Variants in ARHGAP22 observed in about 807,000 individuals in gnomAD.
ARHGAP22 encodes Rho GTPase activating protein 22.
In ARHGAP22, 48 loss-of-function variants were observed where a neutral mutation model predicts 59.1. That is an observed-to-expected ratio of 0.81 (90% CI 0.64 to 1.03). The LOEUF (loss-of-function observed/expected upper bound fraction) is 1.03, where lower values mean the gene tolerates loss of function less well. Ranked by LOEUF, ARHGAP22 falls within the 50% of genes least tolerant of loss-of-function variation. ARHGAP22 has a pLI of 0.00. For synonymous variants in ARHGAP22, 445 were observed against 416.4 expected (o/e 1.07, Z -0.84); for missense variants, 1,015 against 958.7 (o/e 1.06, Z -0.78).
At chr10:48,465,205 G>T (rs1378045509) in intron 4 of ARHGAP22, among the ~76,000 whole-genome samples, 1 of 152,212 alleles carries the variant, frequency 6.6e-6, no homozygotes, top group Admixed American at 6.5e-5. Context: ...TGGGTTCCTC[G>T]AGGTCCCAGC....
chr10:48,590,695 G>A (rs765395111), intron 1 of ARHGAP22, among the ~76,000 whole-genome samples: 4 of 152,230 alleles, frequency 2.6e-5, no homozygotes, highest in African/African-American at 7.2e-5. Flanking sequence ...GAGGGAGGAC[G>A]TGGGCTGCAC....
chr10:48,650,195 C>A (rs1589331586), intron 1 of ARHGAP22, among the ~76,000 whole-genome samples: 2 of 125,656 alleles, frequency 1.6e-5, no homozygotes, highest in Admixed American at 9.7e-5. Flanking sequence ...AATGGCATTG[C>A]CAGTCCATTT....
At chr10:48,480,823 G>A (rs1283030233) in intron 3 of ARHGAP22, among the ~76,000 whole-genome samples, 1 of 152,256 alleles carries the variant, frequency 6.6e-6, no homozygotes, top group Non-Finnish European at 1.5e-5. Flanking sequence ...CACAGCGAAT[G>A]AGTGGCACAG....
intron 3 of ARHGAP22, among the ~76,000 whole-genome samples, chr10:48,502,390 T>C (rs1400446445): frequency 6.6e-6 from 1 of 152,228 alleles, no homozygotes; most frequent in East Asian, 1.9e-4. Flanking sequence ...GTCTCTGCAG[T>C]GCAGTCAGAA....
In ARHGAP22 at chr10:48,450,774, G is replaced by A. The variant is rs1415505505; in HGVS notation, c.1355C>T (p.Pro452Leu). Residue 452 changes from proline to leucine, a missense_variant, in exon 9 of 10, where the codon CCC (proline) becomes CTC (leucine). By Grantham distance (98) the Pro-to-Leu change is moderately conservative. Transcript: ENST00000249601. ...CCAGTTCCCGCCGGAGGAGATGATG[G>A]GCACCTCCAGGGATGAGCCGCCCCC... ...PKGGGSSLEV[P>L]IISSGGNWLM... 1 of 1,565,174 alleles carries A rather than the reference G, an allele frequency of 6.4e-7. No homozygotes were observed. The highest frequency in any genetic ancestry group is 1.9e-5 in the Admixed American group (1 of 53,982).
intron 1 of ARHGAP22, among the ~76,000 whole-genome samples, chr10:48,620,973 C>T (rs2061265821): frequency 6.6e-6 from 1 of 152,246 alleles, no homozygotes; most frequent in South Asian, 2.1e-4. Context: ...ACTGTCACTT[C>T]ACAAAAGTGG....
intron 3 of ARHGAP22, among the ~76,000 whole-genome samples, chr10:48,504,047 A>T (rs917074302): frequency 6.6e-6 from 1 of 152,166 alleles, no homozygotes; most frequent in African/African-American, 2.4e-5. Flanking sequence ...GAAGTGCGGG[A>T]TGGGGAAGGA....
chr10:48,521,886 G>C (rs1262391025), intron 3 of ARHGAP22, among the ~76,000 whole-genome samples: 1 of 152,254 alleles, frequency 6.6e-6, no homozygotes. Context: ...CTGTGCCAGT[G>C]TGGCAAAGGC....
chr10:48,555,642 C>A, intron 2 of ARHGAP22, 92 bp from the exon 3 acceptor site: 1 of 1,272,988 alleles, frequency 7.9e-7, no homozygotes, highest in Non-Finnish European at 1.1e-6. Context: ...AGGTTAGGAC[C>A]TGGGGCCCTC....
intron 8 of ARHGAP22, among the ~76,000 whole-genome samples, chr10:48,453,080 C>T (rs2046140970): frequency 6.6e-6 from 1 of 152,200 alleles, no homozygotes; most frequent in Admixed American, 6.5e-5. Context: ...TGCTGCCCAT[C>T]GCAGGGCAAA....
At chr10:48,649,028 G>C (rs917272884) in intron 1 of ARHGAP22, among the ~76,000 whole-genome samples, 2 of 152,180 alleles carry the variant, frequency 1.3e-5, no homozygotes, top group African/African-American at 4.8e-5. Flanking sequence ...CAAAGATCCA[G>C]GTGAGAGCCG....
chr10:48,586,388 C>A (rs563165695), intron 1 of ARHGAP22, among the ~76,000 whole-genome samples: 7 of 152,256 alleles, frequency 4.6e-5, no homozygotes, highest in African/African-American at 1.7e-4. Flanking sequence ...AGCATAACTG[C>A]AGAGTGCTTA....
At chr10:48,632,930 A>G (rs928703168) in intron 1 of ARHGAP22, among the ~76,000 whole-genome samples, 1 of 152,228 alleles carries the variant, frequency 6.6e-6, no homozygotes, top group Non-Finnish European at 1.5e-5. Flanking sequence ...TTTCATCACT[A>G]CTGCACAACG....
chr10:48,496,287 A>T (rs1374797793), intron 3 of ARHGAP22, among the ~76,000 whole-genome samples: 1 of 152,152 alleles, frequency 6.6e-6, no homozygotes. Flanking sequence ...ATGAGGATAT[A>T]CAATCCTCAC....
At chr10:48,521,378 C>T (rs1000056463) in intron 3 of ARHGAP22, among the ~76,000 whole-genome samples, 4 of 152,192 alleles carry the variant, frequency 2.6e-5, no homozygotes, top group Non-Finnish European at 4.4e-5. Flanking sequence ...ATGATGACAC[C>T]TACTAATGTG....
intron 3 of ARHGAP22, among the ~76,000 whole-genome samples, chr10:48,548,514 C>A (rs115063495): frequency 6.6e-6 from 1 of 152,238 alleles, no homozygotes; most frequent in Admixed American, 6.5e-5. Flanking sequence ...CAAAGCTTAA[C>A]GGATGACCTA....
At chr10:48,519,058 A>C (rs1483017871) in intron 3 of ARHGAP22, among the ~76,000 whole-genome samples, 1 of 152,202 alleles carries the variant, frequency 6.6e-6, no homozygotes, top group African/African-American at 2.4e-5. Flanking sequence ...CCGAGCAAGC[A>C]AGCAAGAAGC....
chr10:48,546,094 A>G (rs2056411282), intron 3 of ARHGAP22, among the ~76,000 whole-genome samples: 1 of 152,202 alleles, frequency 6.6e-6, no homozygotes, highest in Non-Finnish European at 1.5e-5. Flanking sequence ...ATCCTGGAGA[A>G]CTTGACACAT....
chr10:48,641,871 T>C (rs929603606), intron 1 of ARHGAP22, among the ~76,000 whole-genome samples: 1 of 152,198 alleles, frequency 6.6e-6, no homozygotes, highest in Non-Finnish European at 1.5e-5. Flanking sequence ...AAAATCTCCT[T>C]AAGCAACCTC....
Sources: gnomAD v4.1 joint callset for allele counts (sites outside exome capture counted in the v4.1 genomes callset) on GRCh38, gnomAD v4.1.1 for gene constraint, MANE v1.5 for transcripts, NCBI Gene and HGNC (gene_info 2026-07-23, HGNC 2026-07-21) for gene names.